The following LARGE1 variants were observed in gnomAD, a reference collection of about 807,000 sequenced individuals.
LARGE1 encodes the protein xylosyl- and glucuronyltransferase LARGE1.
LARGE1 carries 43 observed loss-of-function variants against 87.6 expected under a neutral mutation model. The ratio of observed to expected loss-of-function variants is 0.49; its 90% CI spans 0.38 to 0.63. The LOEUF (loss-of-function observed/expected upper bound fraction) is 0.63. Ranked by LOEUF, LARGE1 falls within the 30% of genes least tolerant of loss-of-function variation. LARGE1 has a pLI of 0.00. For synonymous variants in LARGE1, 434 were observed against 394.6 expected (o/e 1.10, Z -1.18); for missense variants, 802 against 1,000.2 (o/e 0.80, Z 2.67).
At chr22:33,109,532 A>G in the LARGE1 span, among the ~76,000 whole-genome samples, 2 of 152,208 alleles carry the variant, frequency 1.3e-5, no homozygotes, top group South Asian at 4.1e-4. Context: ...AGGTCCAGCC[A>G]GAAGGGGATG....
At chr22:33,668,374 T>C (rs1433383233) in intron 2 of LARGE1, among the ~76,000 whole-genome samples, 1 of 152,188 alleles carries the variant, frequency 6.6e-6, no homozygotes, top group Non-Finnish European at 1.5e-5. Flanking sequence ...GTTAAGGATC[T>C]TCCACTGAGC....
chr22:33,768,758 C>T (rs977889215), intron 1 of LARGE1, among the ~76,000 whole-genome samples: 5 of 152,206 alleles, frequency 3.3e-5, no homozygotes, highest in African/African-American at 1.2e-4. Context: ...AGACCAGCAT[C>T]TAAGACCAAG....
chr22:33,073,068 A>G, the LARGE1 span, among the ~76,000 whole-genome samples: 4 of 152,168 alleles, frequency 2.6e-5, no homozygotes, highest in East Asian at 7.7e-4. Flanking sequence ...CATCATGTCA[A>G]CTCTCATCCA....
At chr22:33,430,813 C>G (rs2067053490) in intron 7 of LARGE1, among the ~76,000 whole-genome samples, 1 of 152,186 alleles carries the variant, frequency 6.6e-6, no homozygotes, top group Non-Finnish European at 1.5e-5. Context: ...GTCCCTTCTC[C>G]TTTGTTCTCT....
chr22:33,161,479 T>A (rs1001837747), downstream of LARGE1, among the ~76,000 whole-genome samples: 1 of 152,198 alleles, frequency 6.6e-6, no homozygotes, highest in Non-Finnish European at 1.5e-5. Context: ...CTTCCACCGA[T>A]GAACTTGTAA....
chr22:33,363,361 GA>G (rs1428926500), intron 9 of LARGE1, among the ~76,000 whole-genome samples: 4 of 150,052 alleles, frequency 2.7e-5, no homozygotes, highest in Non-Finnish European at 5.9e-5. Context: ...AATCATGGTG[GA>G]AGGTGAAAGG....
intron 3 of LARGE1, among the ~76,000 whole-genome samples, chr22:33,632,540 G>A (rs1372276138): frequency 1.4e-5 from 1 of 72,064 alleles, no homozygotes; most frequent in African/African-American, 5.9e-5. Context: ...CCCGGCTCCT[G>A]TCAGGGGCCC....
the LARGE1 span, among the ~76,000 whole-genome samples, chr22:33,068,941 A>G: frequency 3.3e-5 from 5 of 152,174 alleles, no homozygotes; most frequent in East Asian, 9.7e-4. Flanking sequence ...TCAGAGCTGG[A>G]GGGAACCCAG....
chr22:33,171,629 C>T (rs1347040616), intron 11 of LARGE1, among the ~76,000 whole-genome samples: 1 of 152,218 alleles, frequency 6.6e-6, no homozygotes, highest in Admixed American at 6.5e-5. Flanking sequence ...TCAGAGGATG[C>T]AAGCCCCAAG....
chr22:33,533,188 T>C (rs2076946839), intron 6 of LARGE1, among the ~76,000 whole-genome samples: 2 of 152,178 alleles, frequency 1.3e-5, no homozygotes, highest in African/African-American at 4.8e-5. Context: ...AGCTAACAGA[T>C]GTTCATTTTA....
intron 7 of LARGE1, among the ~76,000 whole-genome samples, chr22:33,421,304 C>G (rs1441197755): frequency 6.6e-6 from 1 of 152,190 alleles, no homozygotes; most frequent in Non-Finnish European, 1.5e-5. Context: ...GTCCCATGCA[C>G]TTTGAAAACA....
At chr22:33,792,832 C>T (rs1031595552) in intron 1 of LARGE1, among the ~76,000 whole-genome samples, 1 of 152,318 alleles carries the variant, frequency 6.6e-6, no homozygotes, top group Admixed American at 6.5e-5. Context: ...CAGGAGAAAA[C>T]AGACCCCTTT....
intron 11 of LARGE1, among the ~76,000 whole-genome samples, chr22:33,211,722 G>A (rs1031121053): frequency 1.3e-4 from 20 of 152,110 alleles, no homozygotes; most frequent in African/African-American, 3.9e-4. Flanking sequence ...GCAGTGAGCC[G>A]AGATCGCGCC....
At chr22:33,346,659 C>T (rs1939803033) in intron 9 of LARGE1, among the ~76,000 whole-genome samples, 1 of 152,154 alleles carries the variant, frequency 6.6e-6, no homozygotes, top group South Asian at 2.1e-4. Flanking sequence ...CTCAAATGCA[C>T]ATGTTCTGCA....
chr22:33,293,677 C>T (rs767446742), intron 12 of LARGE1, among the ~76,000 whole-genome samples: 2 of 152,182 alleles, frequency 1.3e-5, no homozygotes, highest in Non-Finnish European at 2.9e-5. Context: ...TCCTTAAATG[C>T]AATCTCATCC....
chr22:33,834,833 TG>T (rs1448623142), intron 1 of LARGE1, among the ~76,000 whole-genome samples: 2 of 152,204 alleles, frequency 1.3e-5, no homozygotes, highest in African/African-American at 4.8e-5. Flanking sequence ...AAGAGAGCAC[TG>T]CTCACTCCAT....
At chr22:33,713,579 T>A (rs1475373757) in intron 2 of LARGE1, among the ~76,000 whole-genome samples, 2 of 152,142 alleles carry the variant, frequency 1.3e-5, no homozygotes, top group Non-Finnish European at 2.9e-5. Flanking sequence ...GGCTCTTTTT[T>A]TTTTCAGGTT....
At chr22:33,312,647 T>C (rs1410607034) in intron 11 of LARGE1, among the ~76,000 whole-genome samples, 1 of 152,132 alleles carries the variant, frequency 6.6e-6, no homozygotes, top group Non-Finnish European at 1.5e-5. Context: ...CTGAATGCAT[T>C]ATCAGGAGGC....
chr22:33,536,819 C>CTTTTTTTTTTTTTTTTTTTTTTTTT (rs1376904919), intron 6 of LARGE1, among the ~76,000 whole-genome samples: 1 of 151,930 alleles, frequency 6.6e-6, no homozygotes, highest in African/African-American at 2.4e-5. Context: ...TATTTATTTA[C>CTTTTTTTTTTTTTTTTTTTTTTTTT]TTATTTTTTG....
Sources: allele counts gnomAD v4.1 joint callset (sites outside exome capture counted in the v4.1 genomes callset), GRCh38; gene constraint gnomAD v4.1.1; transcripts MANE v1.5; gene names NCBI Gene and HGNC (gene_info 2026-07-23, HGNC 2026-07-21).